The following ESD variants were observed in gnomAD, a reference collection of about 807,000 sequenced individuals.
The protein encoded by ESD is S-formylglutathione hydrolase.
Under a neutral mutation model 38.1 loss-of-function variants are expected in ESD, and 34 were observed. That is an observed-to-expected ratio of 0.89 (90% CI 0.68 to 1.19). The LOEUF is 1.19. ESD is among the 50% of genes most tolerant of loss of function. ESD has a pLI of 0.00. For synonymous variants in ESD, 97 were observed against 107.0 expected, an observed-to-expected ratio of 0.91 and a Z score of 0.58; for missense variants, 334 against 327.2, an observed-to-expected ratio of 1.02 and a Z score of -0.16.
chr13:46,796,723 G>A (rs1452244435), intron 1 of ESD, among the ~76,000 whole-genome samples: 2 of 152,358 alleles, frequency 1.3e-5, no homozygotes, highest in African/African-American at 2.4e-5. Context: ...GTAACGCGTT[G>A]AGGCCAGCTC....
At chr13:46,782,294 A>G (rs928985234) in intron 6 of ESD, among the ~76,000 whole-genome samples, 7 of 151,816 alleles carry the variant, frequency 4.6e-5, no homozygotes, top group African/African-American at 1.7e-4. Flanking sequence ...CAGAAAATGC[A>G]TAAGCAGCAT....
chr13:46,791,898 G>A (rs1923880), intron 2 of ESD, among the ~76,000 whole-genome samples: 68,974 of 151,592 alleles, frequency 0.45, 15,964 homozygotes, highest in Middle Eastern at 0.48. Context: ...GAACACTTAC[G>A]GTGTGATACA....
Position 46,790,035 on chromosome 13 carries a change from T to G in ESD, c.68+1311A>C, listed in dbSNP as rs1185503567. ...TTTTTTTTTTTCAGTAGAGACAGGG[T>G]TTCACCATGTTGGCCAGGTTGGTCT... On this transcript the variant is annotated intron_variant, in intron 3 of 9. Transcript: ENST00000378720. Among the ~76,000 whole-genome samples, 3 of 148,924 alleles carry G rather than the reference T, an allele frequency of 2.0e-5. No homozygotes were observed. The Admixed American group carries it at 2.0e-4, about 10-fold the overall frequency.
At chr13:46,790,005 TA>T (rs376560588) in intron 3 of ESD, among the ~76,000 whole-genome samples, 18 of 76,302 alleles carry the variant, frequency 2.4e-4, no homozygotes, top group African/African-American at 4.3e-4. Context: ...TATATATATA[TA>T]TATTTTTTTT....
rs992669320 is a variant in ESD, at chr13:46,794,846, C to T, written c.-55-1402G>A. 2.6e-5 allele frequency among the ~76,000 whole-genome samples: 4 copies of T among 151,734 alleles called. No homozygotes were observed. The East Asian group carries it at 7.8e-4, about 30-fold the overall frequency. Reference sequence around the variant, plus strand: ...TTCTTCCCTTTCACTCTGTCTCCTCCCACCTCCCTTTTCTTTTTTCTTCAC... The same window carrying T: ...TTCTTCCCTTTCACTCTGTCTCCTCTCACCTCCCTTTTCTTTTTTCTTCAC... On this transcript the variant is annotated intron_variant, in intron 1 of 9. Transcript: ENST00000378720.
chr13:46,785,747 T>C (rs935230220), intron 4 of ESD: 4 of 151,974 alleles, frequency 2.6e-5, no homozygotes, highest in African/African-American at 9.7e-5. Flanking sequence ...CAAACAAAAA[T>C]TCTGTATTTT....
intron 3 of ESD, 108 bp downstream of exon 3, chr13:46,791,238 T>C: frequency 3.9e-6 from 3 of 766,790 alleles, no homozygotes; most frequent in African/African-American, 3.5e-5. Flanking sequence ...TAAGCAAGTT[T>C]AAAAGTAAAA....
At chr13:46,788,449 A>C (rs759315340) in intron 3 of ESD, among the ~76,000 whole-genome samples, 2 of 152,104 alleles carry the variant, frequency 1.3e-5, no homozygotes, top group Non-Finnish European at 2.9e-5. Flanking sequence ...CAATGCAGGG[A>C]TATCTGTTAT....
At chr13:46,781,442 A>C in intron 7 of ESD, 54 bp downstream of exon 7, 2 of 1,462,962 alleles carry the variant, frequency 1.4e-6, no homozygotes, top group Non-Finnish European at 1.9e-6. Context: ...GAAGGTTCCT[A>C]ATATTATGTT....
chr13:46,788,664 AT>A (rs1242470405), intron 3 of ESD, among the ~76,000 whole-genome samples: 3 of 140,384 alleles, frequency 2.1e-5, no homozygotes, highest in Non-Finnish European at 3.0e-5. Context: ...ATTAACACTT[AT>A]GTAAAAGCAA....
intron 8 of ESD, 63 bp from the exon 9 acceptor site, chr13:46,777,686 T>G: frequency 8.0e-7 from 1 of 1,252,788 alleles, no homozygotes; most frequent in Non-Finnish European, 1.1e-6. Context: ...TATACTATAC[T>G]AGTACCAAAC....
chr13:46,772,244 A>G (rs1277032541), intron 9 of ESD, among the ~76,000 whole-genome samples: 3 of 152,204 alleles, frequency 2.0e-5, no homozygotes, highest in Non-Finnish European at 2.9e-5. Context: ...AACATGAAAC[A>G]GAGAAAAATG....
At chr13:46,772,427 CCTT>C (rs1333572710) in intron 9 of ESD, among the ~76,000 whole-genome samples, 1 of 152,120 alleles carries the variant, frequency 6.6e-6, no homozygotes, top group African/African-American at 2.4e-5. Context: ...AACGCATTTT[CCTT>C]CTTTTTTTGT....
chr13:46,786,994 T>C (rs1875215863), intron 4 of ESD, 27 bp downstream of exon 4: 2 of 1,373,564 alleles, frequency 1.5e-6, no homozygotes, highest in Non-Finnish European at 1.9e-6. Flanking sequence ...GAAACGACTT[T>C]ATAAAACTCA....
intron 9 of ESD, among the ~76,000 whole-genome samples, chr13:46,774,658 G>A (rs1292883029): frequency 2.0e-5 from 3 of 152,174 alleles, no homozygotes; most frequent in African/African-American, 7.2e-5. Context: ...AAAGGGAGCA[G>A]TGCTCCAGCA....
At chr13:46,781,085 A>G (rs1593406367) in intron 7 of ESD, among the ~76,000 whole-genome samples, 1 of 151,768 alleles carries the variant, frequency 6.6e-6, no homozygotes, top group Non-Finnish European at 1.5e-5. Context: ...AGCTTCTACA[A>G]ATCATATCTT....
intron 3 of ESD, among the ~76,000 whole-genome samples, chr13:46,789,991 C>CATATATATATATATATAT (rs1163985354): frequency 1.4e-5 from 2 of 140,284 alleles, no homozygotes; most frequent in Non-Finnish European, 3.0e-5. Flanking sequence ...AATTTTTGTA[C>CATATATATATATATATAT]ATATATATAT....
At chr13:46,775,776 G>T in intron 9 of ESD, 1 of 433,342 alleles carries the variant, frequency 2.3e-6, no homozygotes, top group Non-Finnish European at 4.8e-6. Flanking sequence ...TTTTTTAGAA[G>T]AATTGAATGG....
At chr13:46,786,998 A>C (rs1377188585) in intron 4 of ESD, 23 bp downstream of exon 4, 2 of 1,392,686 alleles carry the variant, frequency 1.4e-6, no homozygotes, top group Non-Finnish European at 1.9e-6. Context: ...CGACTTTATA[A>C]AACTCAAATG....
Sources: allele counts gnomAD v4.1 joint callset (sites outside exome capture counted in the v4.1 genomes callset), GRCh38; gene constraint gnomAD v4.1.1; transcripts MANE v1.5; gene names NCBI Gene and HGNC (gene_info 2026-07-23, HGNC 2026-07-21).